Variants in KIRREL3 observed in about 807,000 individuals in gnomAD.
KIRREL3 encodes the protein kin of IRRE-like protein 3.
KIRREL3 carries 36 observed loss-of-function variants against 89.7 expected under a neutral mutation model. The observed-to-expected ratio is 0.40, with a 90% confidence interval of 0.31 to 0.53. The LOEUF (loss-of-function observed/expected upper bound fraction) is 0.53, where lower values mean the gene tolerates loss of function less well. Among genes scored for constraint, KIRREL3 ranks in the 20% least tolerant of loss-of-function variants. The probability of loss-of-function intolerance (pLI) is 0.49; values close to 1 mark genes in which losing one functional copy is unlikely to be tolerated. For synonymous variants in KIRREL3, 445 were observed against 441.4 expected, an observed-to-expected ratio of 1.01 and a Z score of -0.10; for missense variants, 864 against 1,056.6, an observed-to-expected ratio of 0.82 and a Z score of 2.53.
rs1958625335 is a variant in KIRREL3 at position 126,522,367 on chromosome 11, AG to A, written c.284-904del. The stretch of plus-strand genomic sequence containing the variant: ...GCAAAAATTTTGTTTCAGGATGGAC[AG>A]GAAGTAGAAATCTAGGCCCGCCCTT... On this transcript the variant is annotated intron_variant, in intron 3 of 16. Transcript: ENST00000525144. This position sits in a 1 kb window ranked among gnomAD's most constrained non-coding sequence, Gnocchi z 6.0. 6.6e-6 allele frequency among the ~76,000 whole-genome samples: 1 copy of A among 152,206 alleles called. No homozygotes were observed. Among genetic ancestry groups the A allele is most frequent in the Non-Finnish European group, 1.5e-5 (1 of 68,044 alleles).
At position 126,844,840 on chromosome 11, in the gene KIRREL3, C is replaced by G. The variant is rs1944086444; in HGVS notation, c.55+155615G>C. On this transcript the variant is annotated intron_variant, in intron 1 of 16. Coordinates refer to ENST00000525144, the MANE Select transcript of KIRREL3 (RefSeq NM_032531.4). This position sits in a 1 kb window ranked among gnomAD's most constrained non-coding sequence, Gnocchi z 4.8. ...CTTTTTCCTCCCTAAAAAAGGGAAACTTGAGAGCCAACAGGTCTGCTGGAA... is the reference window on the plus strand; with the variant it reads ...CTTTTTCCTCCCTAAAAAAGGGAAAGTTGAGAGCCAACAGGTCTGCTGGAA... Among the ~76,000 whole-genome samples, 1 of 151,956 alleles carries G rather than the reference C, an allele frequency of 6.6e-6. No individual in the cohort carries two copies. The highest frequency in any genetic ancestry group is 1.9e-4 in the East Asian group (1 of 5,172).
chr11:126,431,241 C>T lies in KIRREL3; in HGVS notation c.1696+178G>A, dbSNP rs1359334891. On this transcript the variant is annotated intron_variant, in intron 14 of 16. Transcript: ENST00000525144. This position sits in a 1 kb window ranked among gnomAD's most constrained non-coding sequence, Gnocchi z 7.1. ...TCAGCCTAGCGCCCACTCTGCCAGGCGCCATGTTGCCCAGGCTCACATACA... is the reference window on the plus strand; with the variant it reads ...TCAGCCTAGCGCCCACTCTGCCAGGTGCCATGTTGCCCAGGCTCACATACA... 1.3e-5 allele frequency: 20 copies of T among 1,522,488 alleles called. No homozygotes were observed. The highest frequency in any genetic ancestry group is 2.8e-5 in the African/African-American group (2 of 72,648). 94.3% of individuals were successfully genotyped at this position (1,522,488 alleles called of 1,614,324 possible).
intron 1 of KIRREL3, among the ~76,000 whole-genome samples, chr11:126,849,160 C>T (rs1365773750): frequency 1.3e-5 from 2 of 152,148 alleles, no homozygotes; most frequent in Non-Finnish European, 2.9e-5. Context: ...AAGAAGCCAG[C>T]CAAAACCCAC....
At chr11:126,533,235 G>A (rs1463763393) in intron 2 of KIRREL3, among the ~76,000 whole-genome samples, 5 of 152,146 alleles carry the variant, frequency 3.3e-5, no homozygotes, top group Admixed American at 2.0e-4. Context: ...AGGTTGTCTG[G>A]GGCCCACAGC....
intron 5 of KIRREL3, among the ~76,000 whole-genome samples, chr11:126,464,324 A>G (rs1956646057): frequency 6.8e-6 from 1 of 147,274 alleles, no homozygotes; most frequent in South Asian, 2.2e-4. Flanking sequence ...CCTGGGCAAC[A>G]TAGGAAGATC....
At chr11:126,447,090 G>A (rs144795181) in intron 8 of KIRREL3, among the ~76,000 whole-genome samples, 12 of 152,324 alleles carry the variant, frequency 7.9e-5, no homozygotes, top group Admixed American at 3.3e-4. Context: ...GCAAGGAGGA[G>A]ACCACTCTCC....
At chr11:126,690,542 T>C (rs961294848) in intron 1 of KIRREL3, among the ~76,000 whole-genome samples, 1 of 152,080 alleles carries the variant, frequency 6.6e-6, no homozygotes, top group African/African-American at 2.4e-5. Context: ...TTTTGTGCCT[T>C]ATGTTTTGGG....
At chr11:126,629,298 C>T (rs1163548257) in intron 1 of KIRREL3, among the ~76,000 whole-genome samples, 3 of 152,150 alleles carry the variant, frequency 2.0e-5, no homozygotes, top group Non-Finnish European at 4.4e-5. Context: ...GATGTCCTCA[C>T]CCCAGGAAGC....
chr11:126,477,892 C>T lies in KIRREL3; in HGVS notation c.434-4426G>A, dbSNP rs1957111307. Among the ~76,000 whole-genome samples, 1 of 152,192 alleles carries T rather than the reference C, an allele frequency of 6.6e-6. No individual in the cohort carries two copies. Among genetic ancestry groups the T allele is most frequent in the Admixed American group, 6.5e-5 (1 of 15,284 alleles). On this transcript the variant is annotated intron_variant, in intron 4 of 16. Transcript: ENST00000525144. The surrounding 1 kb of genome is among the most constrained non-coding windows in gnomAD (Gnocchi z 4.8). Reference sequence around the variant, plus strand: ...GCATGGTGGAGAACCTCATAGACACCCAGCCCTTTGGAGAGCAAGACTGGT... The same window carrying T: ...GCATGGTGGAGAACCTCATAGACACTCAGCCCTTTGGAGAGCAAGACTGGT...
At chr11:126,536,076 C>T (rs1376408921) in intron 2 of KIRREL3, among the ~76,000 whole-genome samples, 1 of 152,062 alleles carries the variant, frequency 6.6e-6, no homozygotes, top group Non-Finnish European at 1.5e-5. Flanking sequence ...CGCACCATTG[C>T]ACTCCAGCCT....
At position 126,541,847 on chromosome 11, in the gene KIRREL3, G is replaced by C. The variant is rs111283187; in HGVS notation, c.134-15160C>G. On this transcript the variant is annotated intron_variant, in intron 2 of 16. Coordinates refer to ENST00000525144, the MANE Select transcript of KIRREL3 (RefSeq NM_032531.4). The surrounding 1 kb of genome is among the most constrained non-coding windows in gnomAD (Gnocchi z 4.8). ...TAAGTGGCTGTCTCTCTCTCGGGGT[G>C]CGCATTGATGTTCCCACTGCACAGT... is the stretch of plus-strand genomic sequence containing the variant. Among the ~76,000 whole-genome samples, 5 of 152,272 alleles carry C rather than the reference G, an allele frequency of 3.3e-5. 1 individual carries two copies. Among genetic ancestry groups the C allele is most frequent in the African/African-American group, 1.2e-4 (5 of 41,564 alleles).
In KIRREL3 at chr11:126,719,887, C is replaced by T. The variant is rs1948105858; in HGVS notation, c.56-156975G>A. Among the ~76,000 whole-genome samples, 1 of 152,198 alleles carries T rather than the reference C, an allele frequency of 6.6e-6. No individual in the cohort carries two copies. Among genetic ancestry groups the T allele is most frequent in the Admixed American group, 6.5e-5 (1 of 15,282 alleles). On this transcript the variant is annotated intron_variant, in intron 1 of 16. Transcript: ENST00000525144. The surrounding 1 kb of genome is among the most constrained non-coding windows in gnomAD (Gnocchi z 4.7). ...TTCTTAACCCAGTGGCCACAGCCAT[C>T]CTTACGCAATGTAGCAATGTCAGTT...
At chr11:126,554,947 G>A (rs1222710988) in intron 2 of KIRREL3, among the ~76,000 whole-genome samples, 1 of 152,182 alleles carries the variant, frequency 6.6e-6, no homozygotes, top group East Asian at 1.9e-4. Flanking sequence ...GATAGACGAG[G>A]CTAACTTCAG....
intron 1 of KIRREL3, chr11:126,920,089 G>A (rs1475126660): frequency 6.6e-6 from 1 of 152,126 alleles, no homozygotes; most frequent in Non-Finnish European, 1.5e-5. Context: ...CTTGTCACTT[G>A]TCATTCTTCT....
intron 1 of KIRREL3, among the ~76,000 whole-genome samples, chr11:126,596,973 A>C (rs933846515): frequency 1.3e-5 from 2 of 152,224 alleles, no homozygotes; most frequent in Non-Finnish European, 2.9e-5. Flanking sequence ...ATGGGGCATT[A>C]TATGGGCTCT....
chr11:126,442,823 G>T (rs2134184587), intron 10 of KIRREL3, among the ~76,000 whole-genome samples: 1 of 152,338 alleles, frequency 6.6e-6, no homozygotes, highest in African/African-American at 2.4e-5. Flanking sequence ...CCCTAGTCAA[G>T]AAATAAACAA....
At chr11:127,003,336 C>T (rs1269308845), upstream of KIRREL3, 1 of 151,954 alleles carries the variant, frequency 6.6e-6, no homozygotes, top group African/African-American at 2.4e-5. Context: ...CCCGCGGCCT[C>T]ACCTCCTCCG....
intron 1 of KIRREL3, among the ~76,000 whole-genome samples, chr11:126,789,903 CT>C (rs1950587575): frequency 6.6e-6 from 1 of 152,154 alleles, no homozygotes; most frequent in Non-Finnish European, 1.5e-5. Context: ...AAAAATATAG[CT>C]GACAATTCCC....
intron 4 of KIRREL3, among the ~76,000 whole-genome samples, chr11:126,478,093 A>T (rs1957115555): frequency 6.6e-6 from 1 of 152,132 alleles, no homozygotes; most frequent in Admixed American, 6.5e-5. Flanking sequence ...CACTCCTTAC[A>T]CAGCAGACCC....
Sources: allele counts gnomAD v4.1 joint callset (sites outside exome capture counted in the v4.1 genomes callset), GRCh38; gene constraint gnomAD v4.1.1; non-coding constraint Gnocchi (gnomAD v3.1); transcripts MANE v1.5; gene names NCBI Gene and HGNC (gene_info 2026-07-23, HGNC 2026-07-21).